The following KPNA1 variants were observed in gnomAD, a reference collection of about 807,000 sequenced individuals.
The protein encoded by KPNA1 is karyopherin subunit alpha 1, also known as importin subunit alpha-5.
In KPNA1, 10 loss-of-function variants were observed where a neutral mutation model predicts 70.5. The observed-to-expected ratio is 0.14, with a 90% CI of 0.09 to 0.24. KPNA1 has a LOEUF of 0.24. Among genes scored for constraint, KPNA1 ranks in the 10% least tolerant of loss-of-function variants. KPNA1 has a pLI of 1.00. For synonymous variants in KPNA1, 192 were observed against 221.9 expected (o/e 0.87, Z 1.20); for missense variants, 397 against 637.9 (o/e 0.62, Z 4.07).
intron 1 of KPNA1, among the ~76,000 whole-genome samples, chr3:122,507,183 G>A (rs1007122026): frequency 6.6e-6 from 1 of 152,182 alleles, no homozygotes; most frequent in South Asian, 2.1e-4. Flanking sequence ...GTTCACACCT[G>A]TAATCCCAGC....
At chr3:122,444,912 A>C (rs143916783) in intron 9 of KPNA1, among the ~76,000 whole-genome samples, 1 of 152,324 alleles carries the variant, frequency 6.6e-6, no homozygotes, top group Non-Finnish European at 1.5e-5. Flanking sequence ...CCAATATCGA[A>C]GACCAAAGGT....
At chr3:122,452,601 GGAAGGAAGGGAGGGAGGGAAA>G (rs1249234384) in intron 6 of KPNA1, among the ~76,000 whole-genome samples, 3 of 99,490 alleles carry the variant, frequency 3.0e-5, no homozygotes, top group Non-Finnish European at 4.2e-5. Flanking sequence ...AAGGAAGGAA[GGAAGGAAGGGAGGGAGGGAAA>G]GGAGGGAGGG....
chr3:122,514,286 G>A (rs1223629054), intron 1 of KPNA1, among the ~76,000 whole-genome samples: 4 of 152,070 alleles, frequency 2.6e-5, no homozygotes, highest in Admixed American at 6.5e-5. Context: ...TCCCAAGACG[G>A]TCCCTTTTTG....
At chr3:122,429,354 G>A (rs1377808152) in intron 12 of KPNA1, among the ~76,000 whole-genome samples, 2 of 149,114 alleles carry the variant, frequency 1.3e-5, no homozygotes, top group Non-Finnish European at 3.0e-5. Flanking sequence ...GGGAGGCTGA[G>A]GCAGAATTGC....
Position 122,426,833 on chromosome 3 carries a change from G to A in KPNA1, c.*152C>T. On this transcript the variant is annotated 3_prime_UTR_variant, in exon 14 of 14. Transcript: ENST00000344337. ...AGAGCCGGAGGTTTTCCAGATGTGT[G>A]TAAGAGAGCAGGTGCGCAAGGCAAG... 1.7e-6 allele frequency: 1 copy of A among 602,526 alleles called. No individual in the cohort carries two copies. Among genetic ancestry groups the A allele is most frequent in the South Asian group, 2.3e-5 (1 of 43,148 alleles). The allele number at this position is 602,526 out of a possible 1,614,324, so 37.3% of individuals were successfully genotyped here.
Position 122,479,371 on chromosome 3 carries a change from G to A in KPNA1, c.130-11942C>T, listed in dbSNP as rs115514932. Among the ~76,000 whole-genome samples the A allele has an allele frequency of 2.4e-3, 368 of 152,296 alleles. 4 individuals are homozygous for A. Among genetic ancestry groups the A allele is most frequent in the African/African-American group, 7.8e-3 (324 of 41,550 alleles). ...AAACCACTGCTAACACCAAATGCTG[G>A]CAAGGCTGTGGAACAGGAACTCATA... is the stretch of plus-strand genomic sequence containing the variant. On this transcript the variant is annotated intron_variant, in intron 2 of 13. Coordinates refer to ENST00000344337, the MANE Select transcript of KPNA1 (RefSeq NM_002264.4).
intron 9 of KPNA1, among the ~76,000 whole-genome samples, chr3:122,443,567 T>A (rs559743108): frequency 2.6e-5 from 4 of 152,208 alleles, no homozygotes; most frequent in Non-Finnish European, 4.4e-5. Flanking sequence ...TCAATGTAGG[T>A]TCTTTTCTAT....
intron 10 of KPNA1, among the ~76,000 whole-genome samples, chr3:122,441,117 A>T (rs1168659417): frequency 1.3e-5 from 2 of 152,358 alleles, no homozygotes; most frequent in East Asian, 3.9e-4. Flanking sequence ...TCTATGAATG[A>T]GGCAGAAGGA....
chr3:122,490,876 G>A (rs1353456015), intron 2 of KPNA1, among the ~76,000 whole-genome samples: 1 of 151,932 alleles, frequency 6.6e-6, no homozygotes, highest in East Asian at 1.9e-4. Context: ...TAAACTAAAA[G>A]TATCAGGTTT....
chr3:122,427,283 TAAAG>T, intron 13 of KPNA1, 111 bp from the exon 14 acceptor site: 1 of 838,312 alleles, frequency 1.2e-6, no homozygotes, highest in South Asian at 1.8e-5. Flanking sequence ...GTTCTTGATG[TAAAG>T]AAAGATTATT....
intron 9 of KPNA1, among the ~76,000 whole-genome samples, chr3:122,442,458 G>A (rs184895414): frequency 3.9e-4 from 60 of 152,184 alleles, no homozygotes; most frequent in African/African-American, 1.3e-3. Context: ...ATAATTGAGA[G>A]CAATAATTAA....
intron 2 of KPNA1, among the ~76,000 whole-genome samples, chr3:122,479,671 A>G (rs2076548612): frequency 6.6e-6 from 1 of 152,142 alleles, no homozygotes; most frequent in African/African-American, 2.4e-5. Flanking sequence ...GAGGCAGGAG[A>G]ATCACTTGAA....
chr3:122,479,192 TA>T (rs1012333549), intron 2 of KPNA1, among the ~76,000 whole-genome samples: 7 of 152,092 alleles, frequency 4.6e-5, no homozygotes, highest in African/African-American at 1.7e-4. Flanking sequence ...ACAACCCACT[TA>T]AAAATGGGCC....
At chr3:122,475,690 TA>T (rs1303819222) in intron 2 of KPNA1, among the ~76,000 whole-genome samples, 1 of 152,192 alleles carries the variant, frequency 6.6e-6, no homozygotes, top group Non-Finnish European at 1.5e-5. Context: ...CCCCACAGCC[TA>T]ACTACAAATA....
intron 1 of KPNA1, among the ~76,000 whole-genome samples, chr3:122,498,275 A>C (rs2076786297): frequency 8.5e-5 from 13 of 152,228 alleles, no homozygotes; most frequent in Admixed American, 8.5e-4. Flanking sequence ...TTAGTGGTAG[A>C]GTCCATATGA....
At chr3:122,507,870 A>G (rs2076908270) in intron 1 of KPNA1, among the ~76,000 whole-genome samples, 1 of 152,190 alleles carries the variant, frequency 6.6e-6, no homozygotes, top group Non-Finnish European at 1.5e-5. Context: ...ATATCCATTA[A>G]TGAATTTAAT....
chr3:122,437,209 C>T lies in KPNA1; in HGVS notation c.1083G>A (p.Thr361=), dbSNP rs1199945891. The T allele has an allele frequency of 8.1e-6, 13 of 1,613,888 alleles. No individual in the cohort carries two copies. The highest frequency in any genetic ancestry group is 3.3e-5 in the Admixed American group (2 of 60,008). Residue 361 remains threonine (T), a synonymous_variant, in exon 11 of 14, where the codon ACG becomes ACA. Transcript: ENST00000344337. ...KESIKKEACW[T]ISNITAGNRA... Reference sequence around the variant, plus strand: ...TATTTCCAGCTGTAATATTAGATATCGTCCAACATGCTTCCTTTTTGATAG... The same window carrying T: ...TATTTCCAGCTGTAATATTAGATATTGTCCAACATGCTTCCTTTTTGATAG...
chr3:122,492,678 G>C (rs1003687735), intron 2 of KPNA1, among the ~76,000 whole-genome samples: 1 of 152,152 alleles, frequency 6.6e-6, no homozygotes, highest in Non-Finnish European at 1.5e-5. Context: ...GGACAGCATA[G>C]CTCAACCATT....
Position 122,426,750 on chromosome 3 carries a change from C to A in KPNA1, c.*235G>T. ...GATCTCCAAAGCCTAGGGATTTTTC[C>A]GTAAAAGAGAGTGGGCCGTTCTGGT... On this transcript the variant is annotated 3_prime_UTR_variant, in exon 14 of 14. Transcript: ENST00000344337. 1 of 402,960 alleles carries A rather than the reference C, an allele frequency of 2.5e-6. No individual in the cohort carries two copies. Among genetic ancestry groups the A allele is most frequent in the Non-Finnish European group, 4.4e-6 (1 of 226,038 alleles). The allele number at this position is 402,960 out of a possible 1,614,324, so 25.0% of individuals were successfully genotyped here.
Sources: gnomAD v4.1 joint callset for allele counts (sites outside exome capture counted in the v4.1 genomes callset) on GRCh38, gnomAD v4.1.1 for gene constraint, MANE v1.5 for transcripts, NCBI Gene and HGNC (gene_info 2026-07-23, HGNC 2026-07-21) for gene names.